LHFPL3: variants seen among roughly 807,000 people sequenced by gnomAD.
The protein encoded by LHFPL3 is LHFPL tetraspan subfamily member 3, also known as LHFPL tetraspan subfamily member 3 protein.
A neutral mutation model predicts 19.3 loss-of-function variants in LHFPL3; 5 were observed. The ratio of observed to expected loss-of-function variants is 0.26; its 90% CI spans 0.14 to 0.54. LHFPL3 has a LOEUF of 0.54. LHFPL3 is among the 20% of genes least tolerant of loss of function. LHFPL3 has a pLI of 0.94. For missense variants in LHFPL3, 249 were observed against 307.4 expected, an observed-to-expected ratio of 0.81 and a Z score of 1.42; for synonymous variants, 133 against 126.2, an observed-to-expected ratio of 1.05 and a Z score of -0.36.
intron 1 of LHFPL3, among the ~76,000 whole-genome samples, chr7:104,342,156 A>G (rs972718679): frequency 1.3e-5 from 2 of 151,908 alleles, no homozygotes; most frequent in African/African-American, 4.8e-5. Flanking sequence ...AGATGGACAC[A>G]TGGGGATGAC....
chr7:104,739,935 G>C (rs1276847737), intron 2 of LHFPL3, among the ~76,000 whole-genome samples: 1 of 152,094 alleles, frequency 6.6e-6, no homozygotes, highest in African/African-American at 2.4e-5. Context: ...TTTCCCCATT[G>C]AAATCTCATC....
chr7:104,517,357 GA>G (rs1327860909), intron 1 of LHFPL3, among the ~76,000 whole-genome samples: 1 of 151,174 alleles, frequency 6.6e-6, no homozygotes, highest in East Asian at 1.9e-4. Flanking sequence ...TCCAAAACAT[GA>G]AAATTATTTT....
At chr7:104,347,987 C>A (rs950594143) in intron 1 of LHFPL3, among the ~76,000 whole-genome samples, 1 of 152,050 alleles carries the variant, frequency 6.6e-6, no homozygotes, top group Non-Finnish European at 1.5e-5. Flanking sequence ...GATATAAAGA[C>A]AATTTCTCAG....
intron 2 of LHFPL3, among the ~76,000 whole-genome samples, chr7:104,784,689 A>C (rs996127847): frequency 1.3e-5 from 2 of 152,254 alleles, no homozygotes; most frequent in African/African-American, 4.8e-5. Flanking sequence ...AATAGCCAGG[A>C]GGTAGAAGCA....
intron 1 of LHFPL3, among the ~76,000 whole-genome samples, chr7:104,629,691 G>A (rs2115841645): frequency 6.6e-6 from 1 of 152,310 alleles, no homozygotes; most frequent in Admixed American, 6.5e-5. Flanking sequence ...CATACAAAGT[G>A]TTGAGAAAAC....
At chr7:104,804,359 A>C (rs1050458661) in intron 2 of LHFPL3, among the ~76,000 whole-genome samples, 3 of 152,214 alleles carry the variant, frequency 2.0e-5, no homozygotes, top group Middle Eastern at 3.2e-3. Context: ...GGAGGAATGG[A>C]TAGCAACCAG....
intron 2 of LHFPL3, among the ~76,000 whole-genome samples, chr7:104,765,161 A>T (rs1794434758): frequency 6.6e-6 from 1 of 152,218 alleles, no homozygotes; most frequent in East Asian, 1.9e-4. Context: ...TTACATTCTG[A>T]TAAACCTAAA....
intron 1 of LHFPL3, among the ~76,000 whole-genome samples, chr7:104,380,193 A>G (rs1790801038): frequency 6.6e-6 from 1 of 152,212 alleles, no homozygotes; most frequent in African/African-American, 2.4e-5. Context: ...AACATAACCC[A>G]TCTCATAGAG....
intron 1 of LHFPL3, among the ~76,000 whole-genome samples, chr7:104,370,628 A>G (rs2116429718): frequency 6.6e-6 from 1 of 152,326 alleles, no homozygotes; most frequent in East Asian, 1.9e-4. Flanking sequence ...CACGCCTGTA[A>G]TCCCAGCACT....
chr7:104,828,468 T>C (rs1338926222), intron 2 of LHFPL3, among the ~76,000 whole-genome samples: 3 of 151,980 alleles, frequency 2.0e-5, no homozygotes, highest in Non-Finnish European at 4.4e-5. Flanking sequence ...TCTGGTCTCT[T>C]GTCTGAAACC....
intron 1 of LHFPL3, among the ~76,000 whole-genome samples, chr7:104,420,722 G>C (rs1246545762): frequency 6.6e-6 from 1 of 152,076 alleles, no homozygotes; most frequent in East Asian, 1.9e-4. Context: ...ACCATGCCCG[G>C]CTAATTTTTG....
At chr7:104,624,167 T>A (rs1345262230) in intron 1 of LHFPL3, among the ~76,000 whole-genome samples, 6 of 152,162 alleles carry the variant, frequency 3.9e-5, no homozygotes, top group African/African-American at 1.4e-4. Flanking sequence ...AACTGCTGGA[T>A]CACTTCTAAT....
chr7:104,599,768 G>A (rs1006568201), intron 1 of LHFPL3, among the ~76,000 whole-genome samples: 1 of 152,194 alleles, frequency 6.6e-6, no homozygotes, highest in Admixed American at 6.5e-5. Context: ...AAGCAGTTGT[G>A]CAGAGGGATG....
At chr7:104,513,381 G>T (rs544318806) in intron 1 of LHFPL3, among the ~76,000 whole-genome samples, 1 of 152,174 alleles carries the variant, frequency 6.6e-6, no homozygotes, top group Non-Finnish European at 1.5e-5. Context: ...ATAACTCCCA[G>T]CATGGAAGGT....
chr7:104,819,188 C>G (rs993618492), intron 2 of LHFPL3, among the ~76,000 whole-genome samples: 1 of 152,112 alleles, frequency 6.6e-6, no homozygotes, highest in Non-Finnish European at 1.5e-5. Flanking sequence ...TATTAAATCA[C>G]ATGAACAATA....
intron 2 of LHFPL3, among the ~76,000 whole-genome samples, chr7:104,770,839 A>G (rs776706193): frequency 6.6e-5 from 10 of 152,128 alleles, no homozygotes; most frequent in African/African-American, 9.7e-5. Context: ...TTGTTAACTC[A>G]GTTATCTCAT....
intron 1 of LHFPL3, among the ~76,000 whole-genome samples, chr7:104,715,491 C>T (rs906235138): frequency 5.9e-5 from 9 of 152,114 alleles, no homozygotes; most frequent in African/African-American, 2.2e-4. Context: ...GAGAAGATTT[C>T]AGTTTTTCAG....
intron 1 of LHFPL3, among the ~76,000 whole-genome samples, chr7:104,646,837 T>A (rs968412511): frequency 6.7e-6 from 1 of 150,076 alleles, no homozygotes; most frequent in Non-Finnish European, 1.5e-5. Context: ...TTAGCAAACT[T>A]CTTTTGAATA....
intron 2 of LHFPL3, among the ~76,000 whole-genome samples, chr7:104,748,371 GAGGA>G (rs1368345558): frequency 1.3e-4 from 18 of 141,942 alleles, no homozygotes; most frequent in African/African-American, 4.7e-4. Flanking sequence ...ATTAGTAAAA[GAGGA>G]AGGAATGCCT....
Sources: gnomAD v4.1 joint callset for allele counts (sites outside exome capture counted in the v4.1 genomes callset) on GRCh38, gnomAD v4.1.1 for gene constraint, MANE v1.5 for transcripts, NCBI Gene and HGNC (gene_info 2026-07-23, HGNC 2026-07-21) for gene names.